ADARB1: variants seen among roughly 807,000 people sequenced by gnomAD.
The protein encoded by ADARB1 is double-stranded RNA-specific editase 1.
ADARB1 carries 10 observed loss-of-function variants against 52.4 expected under a neutral mutation model. That is an observed-to-expected ratio of 0.19 (90% CI 0.12 to 0.32). The LOEUF is 0.32. ADARB1 is among the 10% of genes least tolerant of loss of function. ADARB1 has a pLI of 1.00. For synonymous variants in ADARB1, 349 were observed against 371.1 expected, an observed-to-expected ratio of 0.94 and a Z score of 0.68; for missense variants, 643 against 922.3, an observed-to-expected ratio of 0.70 and a Z score of 3.92.
chr21:45,219,074 C>T (rs1344970064), intron 9 of ADARB1, among the ~76,000 whole-genome samples: 1 of 152,174 alleles, frequency 6.6e-6, no homozygotes, highest in Non-Finnish European at 1.5e-5. Flanking sequence ...ATCGTTTAAA[C>T]ACAGCAAGAA....
At chr21:45,102,707 T>TA (rs1207554915) in intron 1 of ADARB1, among the ~76,000 whole-genome samples, 2 of 152,182 alleles carry the variant, frequency 1.3e-5, no homozygotes, top group Non-Finnish European at 2.9e-5. Flanking sequence ...GATAAATAAA[T>TA]ATCCATGAGT....
At chr21:45,097,466 G>C (rs1443797856) in intron 1 of ADARB1, among the ~76,000 whole-genome samples, 3 of 151,584 alleles carry the variant, frequency 2.0e-5, no homozygotes, top group African/African-American at 7.3e-5. Context: ...GAGGTGGGAA[G>C]CCATTGTGGT....
chr21:45,156,127 CCAT>C (rs1480618063), intron 2 of ADARB1, among the ~76,000 whole-genome samples: 4 of 152,170 alleles, frequency 2.6e-5, no homozygotes, highest in Non-Finnish European at 4.4e-5. Context: ...ATCCATCCAC[CCAT>C]CATCACCTAT....
chr21:45,093,297 G>A (rs2086631018), intron 1 of ADARB1, among the ~76,000 whole-genome samples: 1 of 152,202 alleles, frequency 6.6e-6, no homozygotes, highest in Non-Finnish European at 1.5e-5. Flanking sequence ...GTAGGAGAGT[G>A]TTGGAGGCCC....
chr21:45,155,740 C>G (rs1307409149), intron 2 of ADARB1, among the ~76,000 whole-genome samples: 1 of 119,662 alleles, frequency 8.4e-6, no homozygotes, highest in Non-Finnish European at 1.8e-5. Flanking sequence ...CCCACCCACC[C>G]ATCATCACCT....
At chr21:45,087,162 A>C (rs1011143421) in intron 1 of ADARB1, among the ~76,000 whole-genome samples, 45 of 152,368 alleles carry the variant, frequency 3.0e-4, no homozygotes, top group African/African-American at 1.0e-3. Flanking sequence ...CATTCAGCCT[A>C]CAACACCACA....
At chr21:45,076,976 A>G (rs975404370) in intron 1 of ADARB1, among the ~76,000 whole-genome samples, 1 of 152,212 alleles carries the variant, frequency 6.6e-6, no homozygotes, top group Non-Finnish European at 1.5e-5. Context: ...TACCTACAGA[A>G]AGGTAAAGCC....
chr21:45,152,325 G>T (rs1226781655), intron 2 of ADARB1, among the ~76,000 whole-genome samples: 1 of 140,834 alleles, frequency 7.1e-6, no homozygotes, highest in Non-Finnish European at 1.6e-5. Context: ...TCTCCCCTCT[G>T]CTCGTGGTGT....
At position 45,225,797 on chromosome 21, in the gene ADARB1, T is replaced by C. The variant is rs2093050740; in HGVS notation, c.*3600T>C. The C allele has an allele frequency of 2.5e-6, 1 of 392,444 alleles. No homozygotes were observed. The highest frequency in any genetic ancestry group is 2.1e-5 in the African/African-American group (1 of 48,462). The allele number at this position is 392,444 out of a possible 1,614,324, so 24.3% of individuals were successfully genotyped here. ...TTATAGACTTGCTCAAAAGATTCCT[T>C]TTTATCATCCCCACGCTGTGTAAGT... On this transcript the variant is annotated 3_prime_UTR_variant, in exon 11 of 11. Coordinates refer to ENST00000348831, the MANE Select transcript of ADARB1 (RefSeq NM_001112.4).
chr21:45,167,950 C>T (rs751894048), intron 2 of ADARB1, among the ~76,000 whole-genome samples: 3 of 152,006 alleles, frequency 2.0e-5, no homozygotes, highest in Non-Finnish European at 2.9e-5. Flanking sequence ...ACATTTCTGC[C>T]AGCAGTCTAT....
intron 1 of ADARB1, among the ~76,000 whole-genome samples, chr21:45,119,427 T>G (rs535762040): frequency 6.6e-6 from 1 of 152,340 alleles, no homozygotes; most frequent in South Asian, 2.1e-4. Context: ...AGTGCCTTGG[T>G]CACCTTTACC....
chr21:45,184,488 AC>A, intron 7 of ADARB1: 1 of 247,812 alleles, frequency 4.0e-6, no homozygotes, highest in Non-Finnish European at 8.0e-6. Context: ...TCGCTCTTAC[AC>A]CCAGGCTGGA....
At chr21:45,187,933 A>G (rs1021757074) in intron 8 of ADARB1, among the ~76,000 whole-genome samples, 2 of 152,172 alleles carry the variant, frequency 1.3e-5, no homozygotes, top group Admixed American at 1.3e-4. Context: ...CATCAGAGAT[A>G]CTGGTTTGTA....
chr21:45,111,865 T>C (rs1390681445), intron 1 of ADARB1, among the ~76,000 whole-genome samples: 1 of 152,214 alleles, frequency 6.6e-6, no homozygotes. Context: ...GAAGCACAGG[T>C]GTTGCTGGGG....
intron 8 of ADARB1, among the ~76,000 whole-genome samples, chr21:45,193,790 G>A (rs1400899336): frequency 1.3e-5 from 2 of 152,220 alleles, no homozygotes; most frequent in Non-Finnish European, 2.9e-5. Context: ...ACTGAAAGCT[G>A]TATATTGAAA....
At chr21:45,109,920 C>T (rs2087457826) in intron 1 of ADARB1, among the ~76,000 whole-genome samples, 2 of 152,110 alleles carry the variant, frequency 1.3e-5, no homozygotes, top group Admixed American at 6.5e-5. Flanking sequence ...CTCTTTTTGT[C>T]GCTATAGACA....
At chr21:45,162,134 G>T (rs2091005212) in intron 2 of ADARB1, among the ~76,000 whole-genome samples, 1 of 152,214 alleles carries the variant, frequency 6.6e-6, no homozygotes, top group African/African-American at 2.4e-5. Context: ...GAGAAGAGCT[G>T]CAGCCCTTCA....
At chr21:45,189,123 T>C (rs1289607779) in intron 8 of ADARB1, among the ~76,000 whole-genome samples, 1 of 152,296 alleles carries the variant, frequency 6.6e-6, no homozygotes, top group African/African-American at 2.4e-5. Context: ...TACATGGGAA[T>C]TGTGGGAGCT....
intron 2 of ADARB1, among the ~76,000 whole-genome samples, chr21:45,148,545 G>A (rs1486469601): frequency 6.6e-6 from 1 of 152,204 alleles, no homozygotes; most frequent in Non-Finnish European, 1.5e-5. Flanking sequence ...GAAGAGATGT[G>A]ACAAGGCGAC....
Sources: gnomAD v4.1 joint callset for allele counts (sites outside exome capture counted in the v4.1 genomes callset) on GRCh38, gnomAD v4.1.1 for gene constraint, MANE v1.5 for transcripts, NCBI Gene and HGNC (gene_info 2026-07-23, HGNC 2026-07-21) for gene names.